Variants in EIF4E2 observed in about 807,000 individuals in gnomAD.
The protein encoded by EIF4E2 is eukaryotic translation initiation factor 4E type 2.
In EIF4E2, 13 loss-of-function variants were observed where a neutral mutation model predicts 34.2. The ratio of observed to expected loss-of-function variants is 0.38; its 90% CI spans 0.25 to 0.60. The LOEUF (loss-of-function observed/expected upper bound fraction) is 0.60. Ranked by LOEUF, EIF4E2 falls within the 20% of genes least tolerant of loss-of-function variation. EIF4E2 has a pLI of 0.62. For synonymous variants in EIF4E2, 100 were observed against 106.6 expected, an observed-to-expected ratio of 0.94 and a Z score of 0.38; for missense variants, 222 against 315.1, an observed-to-expected ratio of 0.70 and a Z score of 2.24.
Position 232,558,123 on chromosome 2 carries a change from T to G in EIF4E2, c.270+105T>G, listed in dbSNP as rs1692589265. The G allele has an allele frequency of 3.4e-6, 5 of 1,465,444 alleles. 1 individual carries two copies. In the Admixed American group the frequency reaches 1.0e-4, roughly 31 times the overall value. The allele number at this position is 1,465,444 out of a possible 1,614,324, so 90.8% of individuals were successfully genotyped here. A position where few individuals can be genotyped will look rare whatever the true frequency, so the allele number is the denominator to read the frequency against. On this transcript the variant is annotated intron_variant, in intron 3 of 6. Transcript: ENST00000258416. The stretch of plus-strand genomic sequence containing the variant: ...TAGTAACCTATTTAAGATTCTGGTT[T>G]TCTTAATTGACTGACCTGAGTCTCC...
chr2:232,574,392 T>C (rs1693160653), intron 6 of EIF4E2: 1 of 1,527,520 alleles, frequency 6.5e-7, no homozygotes, highest in Non-Finnish European at 8.9e-7. Context: ...CTCTCATCCA[T>C]AGGACCCCTC....
chr2:232,553,298 C>T (rs1692410444), intron 1 of EIF4E2, among the ~76,000 whole-genome samples: 1 of 152,246 alleles, frequency 6.6e-6, no homozygotes, highest in South Asian at 2.1e-4. Flanking sequence ...TGATTTTGTC[C>T]GTATTCTACA....
intron 1 of EIF4E2, among the ~76,000 whole-genome samples, chr2:232,552,658 C>A (rs1692384395): frequency 6.9e-6 from 1 of 144,758 alleles, no homozygotes; most frequent in Admixed American, 7.2e-5. Context: ...GTTCAAGCAC[C>A]TCTTGAGAAA....
In EIF4E2 at chr2:232,574,418, A is replaced by C. The variant is rs1574677052; in HGVS notation, c.666-6486A>C. The C allele has an allele frequency of 4.8e-6, 7 of 1,449,504 alleles. No individual in the cohort carries two copies. The East Asian group carries it at 1.7e-4, about 36-fold the overall frequency. 89.8% of individuals were successfully genotyped at this position (1,449,504 alleles called of 1,614,324 possible). A position where few individuals can be genotyped will look rare whatever the true frequency, so the allele number is the denominator to read the frequency against. Reference sequence around the variant, plus strand: ...AGGACCCCTCTTCCCATTTACCCCCAAACTTGCCTCTACCAACATTGAGCC... The same window carrying C: ...AGGACCCCTCTTCCCATTTACCCCCCAACTTGCCTCTACCAACATTGAGCC... On this transcript the variant is annotated intron_variant, in intron 6 of 6. Transcript: ENST00000409098.
chr2:232,567,950 C>A, intron 6 of EIF4E2: 1 of 981,374 alleles, frequency 1.0e-6, no homozygotes. Context: ...AGTTAGGACT[C>A]TTAGGTTTAG....
intron 6 of EIF4E2, among the ~76,000 whole-genome samples, chr2:232,579,803 C>T (rs1333996355): frequency 6.6e-6 from 1 of 152,028 alleles, no homozygotes; most frequent in Non-Finnish European, 1.5e-5. Flanking sequence ...TCAGTTAAAG[C>T]CAGAGCTTCT....
intron 6 of EIF4E2, chr2:232,580,843 T>G: frequency 7.0e-7 from 1 of 1,434,178 alleles, no homozygotes; most frequent in Non-Finnish European, 9.5e-7. Flanking sequence ...TGTATATGTG[T>G]GCTTCTGTAT....
In EIF4E2 at chr2:232,566,733, C is replaced by G; in HGVS notation, c.376-96C>G. 2.2e-6 allele frequency: 3 copies of G among 1,372,932 alleles called. No individual in the cohort carries two copies. In the Admixed American group the frequency reaches 6.2e-5, roughly 28 times the overall value. 85.0% of individuals were successfully genotyped at this position (1,372,932 alleles called of 1,614,324 possible). On this transcript the variant is annotated intron_variant, in intron 4 of 6. Transcript: ENST00000258416. The surrounding 1 kb of genome is among the most constrained non-coding windows in gnomAD (Gnocchi z 4.9). The stretch of plus-strand genomic sequence containing the variant: ...GAATAATTGGAAAGTGATATGACTT[C>G]TTAGTGTTTAAGAGATTCTTGGCTT...
At chr2:232,551,033 A>C in intron 1 of EIF4E2, 2 of 616,806 alleles carry the variant, frequency 3.2e-6, no homozygotes, top group Non-Finnish European at 5.9e-6. Flanking sequence ...GCCCTGGTGG[A>C]TGCGGATTGC....
rs1410660340 is a variant in EIF4E2, at chr2:232,550,709, C to T, written c.-16C>T. 1 of 1,584,346 alleles carries T rather than the reference C, an allele frequency of 6.3e-7. No individual in the cohort carries two copies. Among genetic ancestry groups the T allele is most frequent in the Non-Finnish European group, 8.6e-7 (1 of 1,167,114 alleles). On this transcript the variant is annotated 5_prime_UTR_variant, in exon 1 of 7. Transcript: ENST00000258416. ...AAGTCACTCCCTGAGGCAGTGGCGA[C>T]AGCGGCGGCGAGAGGATGAACAACA... is the stretch of plus-strand genomic sequence containing the variant.
At chr2:232,572,119 A>C (rs1284330975), downstream of EIF4E2, among the ~76,000 whole-genome samples, 1 of 152,188 alleles carries the variant, frequency 6.6e-6, no homozygotes, top group East Asian at 1.9e-4. Flanking sequence ...TAGAAACTCC[A>C]GTCATGACAC....
chr2:232,564,077 C>T (rs1181869811), intron 3 of EIF4E2, among the ~76,000 whole-genome samples, 170 bp from the exon 4 acceptor site: 4 of 152,204 alleles, frequency 2.6e-5, no homozygotes, highest in Admixed American at 2.0e-4. Flanking sequence ...TGTTTTTCCT[C>T]TAATATGTCT....
chr2:232,557,081 C>G (rs1430311766), intron 2 of EIF4E2, among the ~76,000 whole-genome samples: 1 of 152,166 alleles, frequency 6.6e-6, no homozygotes, highest in Non-Finnish European at 1.5e-5. Flanking sequence ...CCCATCTCTA[C>G]TAAAAATACA....
chr2:232,574,765 CAT>C (rs1158858067), intron 6 of EIF4E2, among the ~76,000 whole-genome samples: 2 of 152,158 alleles, frequency 1.3e-5, no homozygotes, highest in Non-Finnish European at 2.9e-5. Flanking sequence ...TTGCTGGTGT[CAT>C]GTGTCAGTTG....
In EIF4E2 at chr2:232,558,009, C is replaced by T. The variant is rs1479946413; in HGVS notation, c.261C>T (p.Thr87=). The change falls in exon 3 of 7, where the codon ACC becomes ACT. Residue 87 remains threonine (T), a synonymous_variant. Coordinates refer to ENST00000258416, the MANE Select transcript of EIF4E2 (RefSeq NM_004846.4). ...AACAGAATATCAAACAGATTGGCAC[C>T]TTTGCCTCTGTGAGTTCTTGGTGAA... ...SYEQNIKQIG[T]FASVEQFWRF... 2 of 1,614,046 alleles carry T rather than the reference C, an allele frequency of 1.2e-6. No homozygotes were observed. Among genetic ancestry groups the T allele is most frequent in the Admixed American group, 1.7e-5 (1 of 60,004 alleles).
At position 232,569,113 on chromosome 2, in the gene EIF4E2, A is replaced by G; in HGVS notation, c.*96A>G. 7.1e-6 allele frequency: 11 copies of G among 1,542,804 alleles called. No individual in the cohort carries two copies. Among genetic ancestry groups the G allele is most frequent in the Non-Finnish European group, 8.8e-6 (10 of 1,142,372 alleles). Reference sequence around the variant, plus strand: ...TACCTGGAAGATCCTTCTGTCCTGGACAAGAGGAATTGGAAGAGCATTTTA... The same window carrying G: ...TACCTGGAAGATCCTTCTGTCCTGGGCAAGAGGAATTGGAAGAGCATTTTA... On this transcript the variant is annotated 3_prime_UTR_variant, in exon 7 of 7. Transcript: ENST00000258416.
chr2:232,565,876 G>C (rs1420504154), intron 4 of EIF4E2, among the ~76,000 whole-genome samples: 1 of 151,472 alleles, frequency 6.6e-6, no homozygotes, highest in African/African-American at 2.4e-5. Context: ...GACAGATCAC[G>C]AGGTCAAGGG....
chr2:232,581,389 G>T lies in EIF4E2; in HGVS notation c.*446G>T. Reference sequence around the variant, plus strand: ...GGAGAGTCCCAAAATAGCTGTAAATGCTCTCTTCTAGCTCTGCCATTAAAT... The same window carrying T: ...GGAGAGTCCCAAAATAGCTGTAAATTCTCTCTTCTAGCTCTGCCATTAAAT... On this transcript the variant is annotated 3_prime_UTR_variant, in exon 7 of 7. Transcript: ENST00000409098. This position sits in a 1 kb window ranked among gnomAD's most constrained non-coding sequence, Gnocchi z 5.2. The T allele has an allele frequency of 3.0e-6, 1 of 333,296 alleles. No individual in the cohort carries two copies. Among genetic ancestry groups the T allele is most frequent in the Non-Finnish European group, 5.8e-6 (1 of 171,110 alleles). The allele number at this position is 333,296 out of a possible 1,614,324, so 20.6% of individuals were successfully genotyped here.
At chr2:232,557,791 T>C (rs1692576300) in intron 2 of EIF4E2, 93 bp from the exon 3 acceptor site, 1 of 1,391,984 alleles carries the variant, frequency 7.2e-7, no homozygotes, top group African/African-American at 1.4e-5. Flanking sequence ...TTTTTAATTG[T>C]GGAGGTGGTA....
Sources: gnomAD v4.1 joint callset for allele counts (sites outside exome capture counted in the v4.1 genomes callset) on GRCh38, gnomAD v4.1.1 for gene constraint, Gnocchi (gnomAD v3.1) non-coding constraint, MANE v1.5 for transcripts, NCBI Gene and HGNC (gene_info 2026-07-23, HGNC 2026-07-21) for gene names.